The following WDHD1 variants were observed in gnomAD, a reference collection of about 807,000 sequenced individuals.
WDHD1 encodes the protein WD repeat and HMG-box DNA-binding protein 1.
In WDHD1, 111 loss-of-function variants were observed where a neutral mutation model predicts 135.4. The ratio of observed to expected loss-of-function variants is 0.82; its 90% CI spans 0.70 to 0.96. The LOEUF (loss-of-function observed/expected upper bound fraction) is 0.96, where lower values mean the gene tolerates loss of function less well. WDHD1 is among the 40% of genes least tolerant of loss of function. The pLI, the probability that WDHD1 is intolerant of heterozygous loss-of-function variation, is 0.00. For synonymous variants in WDHD1, 434 were observed against 439.0 expected, an observed-to-expected ratio of 0.99 and a Z score of 0.14; for missense variants, 1,351 against 1,336.3, an observed-to-expected ratio of 1.01 and a Z score of -0.17.
chr14:55,009,896 C>T (rs908072012), intron 4 of WDHD1, among the ~76,000 whole-genome samples: 2 of 152,056 alleles, frequency 1.3e-5, no homozygotes, highest in Non-Finnish European at 2.9e-5. Context: ...TCTTGGCTCA[C>T]TGCAACCTCT....
At chr14:54,946,157 G>A (rs2040921155) in intron 24 of WDHD1, among the ~76,000 whole-genome samples, 1 of 152,188 alleles carries the variant, frequency 6.6e-6, no homozygotes, top group Non-Finnish European at 1.5e-5. Context: ...CTACTTAGTG[G>A]CCTGCAATCA....
At chr14:55,000,441 T>G in intron 10 of WDHD1, 62 bp downstream of exon 10, 1 of 1,479,330 alleles carries the variant, frequency 6.8e-7, no homozygotes, top group African/African-American at 1.4e-5. Flanking sequence ...TTGTGGTGTC[T>G]TCCAAATCCA....
At chr14:55,007,236 A>AAT in intron 7 of WDHD1, 44 bp downstream of exon 7, 1 of 1,412,942 alleles carries the variant, frequency 7.1e-7, no homozygotes, top group South Asian at 1.3e-5. Flanking sequence ...TCTAATAAAA[A>AAT]AAAAAAAAAA....
At chr14:54,971,896 G>GACAT (rs2041440120) in intron 16 of WDHD1, among the ~76,000 whole-genome samples, 1 of 152,004 alleles carries the variant, frequency 6.6e-6, no homozygotes, top group Non-Finnish European at 1.5e-5. Flanking sequence ...TTCAAAAGAA[G>GACAT]ACATACAAGG....
Position 54,941,699 on chromosome 14 carries a change from A to G in WDHD1, c.3190-9T>C, listed in dbSNP as rs191971448. ...GCTTTGTTAGCCCACACCTTTGTAAAATGGCAGGAGTGAAAAGGAAAGATT... is the reference window on the plus strand; with the variant it reads ...GCTTTGTTAGCCCACACCTTTGTAAGATGGCAGGAGTGAAAAGGAAAGATT... On this transcript the variant is annotated splice_polypyrimidine_tract_variant and intron_variant, in intron 25 of 25. Transcript: ENST00000360586. 355 of 1,600,172 alleles carry G rather than the reference A, an allele frequency of 2.2e-4. 1 individual carries two copies. In the African/African-American group the frequency reaches 4.2e-3, roughly 19 times the overall value.
At position 54,963,139 on chromosome 14, in the gene WDHD1, C is replaced by T; in HGVS notation, c.2344G>A (p.Val782Met). 1.3e-6 allele frequency: 2 copies of T among 1,526,176 alleles called. No homozygotes were observed. The highest frequency in any genetic ancestry group is 1.1e-5 in the South Asian group (1 of 89,344). The allele number at this position is 1,526,176 out of a possible 1,614,324, so 94.5% of individuals were successfully genotyped here. ...SCKLEREFRCVELADLMTQNA... is the reference protein window; with the variant it reads ...SCKLEREFRCMELADLMTQNA... Reference sequence around the variant, plus strand: ...TGAGTCATTAGATCAGCAAGTTCCACACAACGGAATTCTCGCTCCAGTTTA... The same window carrying T: ...TGAGTCATTAGATCAGCAAGTTCCATACAACGGAATTCTCGCTCCAGTTTA... Residue 782 changes from valine to methionine, a missense_variant, in exon 19 of 26, where the codon GTG (valine) becomes ATG (methionine). Transcript: ENST00000360586.
At chr14:54,979,415 CAA>C (rs2041581708) in intron 16 of WDHD1, among the ~76,000 whole-genome samples, 1 of 152,224 alleles carries the variant, frequency 6.6e-6, no homozygotes, top group Non-Finnish European at 1.5e-5. Context: ...CTTGGGCTCC[CAA>C]AGTGTTGGGA....
chr14:54,984,019 C>T (rs1302332880), intron 15 of WDHD1, among the ~76,000 whole-genome samples: 5 of 152,132 alleles, frequency 3.3e-5, no homozygotes, highest in Non-Finnish European at 7.3e-5. Flanking sequence ...ATTTCAAGTG[C>T]TCAACAGACA....
chr14:55,005,527 G>T (rs944396072), intron 7 of WDHD1: 2 of 575,820 alleles, frequency 3.5e-6, no homozygotes, highest in East Asian at 8.5e-5. Flanking sequence ...GCTTCTCCCA[G>T]GTCCTCTTCA....
intron 2 of WDHD1, among the ~76,000 whole-genome samples, chr14:55,026,217 G>A (rs940036246): frequency 6.6e-6 from 1 of 152,096 alleles, no homozygotes. Context: ...GAGCAGTAGT[G>A]CGTAAGAATG....
At chr14:54,995,940 G>A in intron 10 of WDHD1, 127 bp from the exon 11 acceptor site, 1 of 626,044 alleles carries the variant, frequency 1.6e-6, no homozygotes, top group South Asian at 2.8e-5. Flanking sequence ...GAACAGATAA[G>A]AATAATTAGT....
rs1343704485 is a variant in WDHD1, at chr14:54,941,295, A to G, written c.*195T>C. On this transcript the variant is annotated 3_prime_UTR_variant, in exon 26 of 26. Coordinates refer to ENST00000360586, the MANE Select transcript of WDHD1 (RefSeq NM_007086.4). ...AAGGCCCTGCATTTGGAGGCAGAGTAATCTGCAAAGATGATAGTTTTTACA... is the reference window on the plus strand; with the variant it reads ...AAGGCCCTGCATTTGGAGGCAGAGTGATCTGCAAAGATGATAGTTTTTACA... 6.9e-6 allele frequency: 3 copies of G among 434,874 alleles called. No individual in the cohort carries two copies. The highest frequency in any genetic ancestry group is 6.1e-5 in the African/African-American group (3 of 49,372). 26.9% of individuals were successfully genotyped at this position (434,874 alleles called of 1,614,324 possible).
At chr14:54,998,905 G>T (rs2041934063) in intron 10 of WDHD1, among the ~76,000 whole-genome samples, 1 of 152,186 alleles carries the variant, frequency 6.6e-6, no homozygotes, top group Admixed American at 6.5e-5. Context: ...AACTTATGAA[G>T]TGTGCTAGAC....
At chr14:54,983,882 A>C (rs2041657078) in intron 15 of WDHD1, among the ~76,000 whole-genome samples, 1 of 152,184 alleles carries the variant, frequency 6.6e-6, no homozygotes, top group Non-Finnish European at 1.5e-5. Context: ...ATTTTATTTC[A>C]TCGAAGATAT....
intron 6 of WDHD1, 67 bp from the exon 7 acceptor site, chr14:55,007,442 A>AAT: frequency 8.8e-7 from 1 of 1,133,886 alleles, no homozygotes; most frequent in Non-Finnish European, 1.3e-6. Flanking sequence ...TGCAGAACTG[A>AAT]ATATATTTAA....
At position 54,987,004 on chromosome 14, in the gene WDHD1, A is replaced by G. The variant is rs1170309775; in HGVS notation, c.1768+142T>C. ...TTCATTTTCATTGCTGCTAGTGAAC[A>G]CAACAAAATTATCTACATTTAAAGA... is the stretch of plus-strand genomic sequence containing the variant. On this transcript the variant is annotated intron_variant, in intron 14 of 25. Coordinates refer to ENST00000360586, the MANE Select transcript of WDHD1 (RefSeq NM_007086.4). The G allele has an allele frequency of 3.1e-6, 3 of 970,436 alleles. No homozygotes were observed. In the African/African-American group the frequency reaches 5.0e-5, roughly 16 times the overall value. The allele number at this position is 970,436 out of a possible 1,614,324, so 60.1% of individuals were successfully genotyped here.
intron 6 of WDHD1, 52 bp from the exon 7 acceptor site, chr14:55,007,427 A>G (rs764521930): frequency 7.7e-7 from 1 of 1,293,758 alleles, no homozygotes; most frequent in East Asian, 2.3e-5. Context: ...CCCCCCCAAA[A>G]TATATGCAGA....
chr14:54,987,440 A>ATATATG (rs2041712256), intron 13 of WDHD1, 53 bp from the exon 14 acceptor site: 2 of 1,408,656 alleles, frequency 1.4e-6, no homozygotes, highest in Non-Finnish European at 1.9e-6. Flanking sequence ...ATATTTACAT[A>ATATATG]TATATATATA....
At chr14:55,000,252 A>C (rs1245382112) in intron 10 of WDHD1, among the ~76,000 whole-genome samples, 1 of 152,182 alleles carries the variant, frequency 6.6e-6, no homozygotes, top group East Asian at 1.9e-4. Flanking sequence ...CCTGATACAA[A>C]ATAGTATTTA....
Sources: allele counts gnomAD v4.1 joint callset (sites outside exome capture counted in the v4.1 genomes callset), GRCh38; gene constraint gnomAD v4.1.1; transcripts MANE v1.5; gene names NCBI Gene and HGNC (gene_info 2026-07-23, HGNC 2026-07-21).